PALM2AKAP2: variants seen among roughly 807,000 people sequenced by gnomAD.
PALM2AKAP2 encodes the protein PALM2 and AKAP2 fusion, also known as PALM2-AKAP2 fusion protein.
PALM2AKAP2 carries 37 observed loss-of-function variants against 71.5 expected under a neutral mutation model. That is an observed-to-expected ratio of 0.52 (90% CI 0.40 to 0.68). PALM2AKAP2 has a LOEUF of 0.68. PALM2AKAP2 is among the 30% of genes least tolerant of loss of function. PALM2AKAP2 has a pLI of 0.00. For missense variants in PALM2AKAP2, 1,224 were observed against 1,191.8 expected, an observed-to-expected ratio of 1.03 and a Z score of -0.40; for synonymous variants, 468 against 478.8, an observed-to-expected ratio of 0.98 and a Z score of 0.29.
intron 1 of PALM2AKAP2, among the ~76,000 whole-genome samples, chr9:110,135,422 C>A (rs1835841568): frequency 7.2e-6 from 1 of 138,076 alleles, no homozygotes. Flanking sequence ...CTTATTGAAT[C>A]ACAAACTGAA....
chr9:110,028,620 G>A (rs1292455805), intron 7 of PALM2AKAP2, among the ~76,000 whole-genome samples: 1 of 152,142 alleles, frequency 6.6e-6, no homozygotes, highest in Non-Finnish European at 1.5e-5. Context: ...ACACTTTGTA[G>A]CCTCTCTGTT....
chr9:109,868,804 A>T (rs1267025551), intron 2 of PALM2AKAP2, among the ~76,000 whole-genome samples: 4 of 152,172 alleles, frequency 2.6e-5, no homozygotes, highest in African/African-American at 9.7e-5. Context: ...TCATTGACAG[A>T]TCTTTCTTTG....
At chr9:109,723,055 A>G (rs1277781487) in intron 1 of PALM2AKAP2, among the ~76,000 whole-genome samples, 1 of 152,182 alleles carries the variant, frequency 6.6e-6, no homozygotes, top group African/African-American at 2.4e-5. Context: ...GCTGCAGGCT[A>G]TACTCTCAAC....
chr9:109,802,982 C>A (rs2131406252), intron 1 of PALM2AKAP2, among the ~76,000 whole-genome samples: 1 of 152,282 alleles, frequency 6.6e-6, no homozygotes, highest in Admixed American at 6.5e-5. Flanking sequence ...CTCTTAGCCT[C>A]ATCAGTTCAT....
chr9:109,984,463 A>G (rs935471390), intron 6 of PALM2AKAP2, among the ~76,000 whole-genome samples: 3 of 151,882 alleles, frequency 2.0e-5, no homozygotes, highest in African/African-American at 7.3e-5. Context: ...TTCGAGACCA[A>G]TTTGAGTAAC....
Position 109,710,307 on chromosome 9 carries a change from G to A in PALM2AKAP2, c.5+69441G>A, listed in dbSNP as rs776508417. Among the ~76,000 whole-genome samples, 8 of 152,218 alleles carry A rather than the reference G, an allele frequency of 5.3e-5. 1 individual carries two copies. Among genetic ancestry groups the A allele is most frequent in the Non-Finnish European group, 2.9e-5 (2 of 68,026 alleles). On this transcript the variant is annotated intron_variant, in intron 1 of 6. Coordinates refer to the PALM2AKAP2 transcript ENST00000374531. ...CCCAGAAGGAGACATGGCTTTTTGGGTAGAGCACAGGCTAACTTTCAGCCC... is the reference window on the plus strand; with the variant it reads ...CCCAGAAGGAGACATGGCTTTTTGGATAGAGCACAGGCTAACTTTCAGCCC...
chr9:109,787,702 A>C (rs562101540), intron 1 of PALM2AKAP2, among the ~76,000 whole-genome samples: 1 of 152,212 alleles, frequency 6.6e-6, no homozygotes, highest in Non-Finnish European at 1.5e-5. Flanking sequence ...CTCATTTTCA[A>C]GAGAAGCCAG....
intron 1 of PALM2AKAP2, among the ~76,000 whole-genome samples, chr9:109,744,629 A>G (rs1587891527): frequency 1.3e-5 from 2 of 152,318 alleles, no homozygotes; most frequent in Admixed American, 1.3e-4. Flanking sequence ...GAACAAGCAA[A>G]GAACAATTGC....
chr9:109,730,248 C>G (rs1436136999), intron 1 of PALM2AKAP2, among the ~76,000 whole-genome samples: 1 of 152,180 alleles, frequency 6.6e-6, no homozygotes, highest in East Asian at 1.9e-4. Context: ...AAATCTTGCA[C>G]AAAGTTATGA....
intron 7 of PALM2AKAP2, among the ~76,000 whole-genome samples, chr9:110,035,130 G>C (rs1833358042): frequency 6.7e-6 from 1 of 149,606 alleles, no homozygotes; most frequent in African/African-American, 2.5e-5. Context: ...TGTTTTACAA[G>C]TGCTTTTTTT....
At chr9:109,781,748 A>T (rs78848095) in intron 1 of PALM2AKAP2, among the ~76,000 whole-genome samples, 1 of 152,194 alleles carries the variant, frequency 6.6e-6, no homozygotes, top group African/African-American at 2.4e-5. Flanking sequence ...TTGAAATGCC[A>T]TGGTTTGCCT....
chr9:109,682,378 T>C (rs765682203), intron 1 of PALM2AKAP2, among the ~76,000 whole-genome samples: 1 of 152,230 alleles, frequency 6.6e-6, no homozygotes, highest in East Asian at 1.9e-4. Context: ...TAGGTAATCA[T>C]ACAGTTGCAT....
chr9:109,930,559 G>A (rs1409420950), intron 5 of PALM2AKAP2, among the ~76,000 whole-genome samples: 1 of 152,152 alleles, frequency 6.6e-6, no homozygotes, highest in South Asian at 2.1e-4. Context: ...CTCTACCTTT[G>A]CCTATGAACA....
intron 7 of PALM2AKAP2, among the ~76,000 whole-genome samples, chr9:110,040,255 G>A (rs908056972): frequency 5.9e-5 from 9 of 152,054 alleles, no homozygotes; most frequent in African/African-American, 2.2e-4. Flanking sequence ...ATTATTCTCC[G>A]TATTTAAATG....
chr9:109,887,452 T>TA (rs1259270612), intron 3 of PALM2AKAP2, among the ~76,000 whole-genome samples: 1 of 152,240 alleles, frequency 6.6e-6, no homozygotes, highest in Non-Finnish European at 1.5e-5. Flanking sequence ...TTCTTTTGTT[T>TA]CCTTCCAAAA....
chr9:109,928,505 GT>G lies in PALM2AKAP2; in HGVS notation c.395-3417del, dbSNP rs564888142. On this transcript the variant is annotated intron_variant, in intron 5 of 9. Transcript: ENST00000302798. ...TTATTAATTGAGGCCACCTGAAGAA[GT>G]TTTTCCCATTGAAGTTTTGGCAAGC... is the stretch of plus-strand genomic sequence containing the variant. Among the ~76,000 whole-genome samples the G allele has an allele frequency of 7.9e-5, 12 of 152,176 alleles. No individual in the cohort carries two copies. The South Asian group carries it at 2.3e-3, about 29-fold the overall frequency.
At chr9:109,811,500 T>C (rs540710142) in intron 1 of PALM2AKAP2, among the ~76,000 whole-genome samples, 1 of 152,326 alleles carries the variant, frequency 6.6e-6, no homozygotes, top group African/African-American at 2.4e-5. Context: ...AAAAAAATAG[T>C]ACATTTTTAT....
At chr9:110,017,038 C>G (rs1362619003) in intron 7 of PALM2AKAP2, among the ~76,000 whole-genome samples, 1 of 152,108 alleles carries the variant, frequency 6.6e-6, no homozygotes, top group East Asian at 1.9e-4. Flanking sequence ...AGCCACCGTG[C>G]CTGGCTAATT....
At chr9:109,831,182 C>A (rs1051077720) in intron 1 of PALM2AKAP2, among the ~76,000 whole-genome samples, 1 of 101,398 alleles carries the variant, frequency 9.9e-6, no homozygotes, top group Non-Finnish European at 2.5e-5. Flanking sequence ...CACACACACA[C>A]AAGCATAAAT....
Sources: gnomAD v4.1 joint callset for allele counts (sites outside exome capture counted in the v4.1 genomes callset) on GRCh38, gnomAD v4.1.1 for gene constraint, MANE v1.5 for transcripts, NCBI Gene and HGNC (gene_info 2026-07-23, HGNC 2026-07-21) for gene names.